MMP28: variants seen among roughly 807,000 people sequenced by gnomAD.
MMP28 encodes the protein matrix metallopeptidase 28, also known as matrix metalloproteinase-28.
In MMP28, 55 loss-of-function variants were observed where a neutral mutation model predicts 60.5. The ratio of observed to expected loss-of-function variants is 0.91; its 90% CI spans 0.73 to 1.14. MMP28 has a LOEUF of 1.14. Ranked by LOEUF, MMP28 falls within the 50% of genes most tolerant of loss-of-function variation. The probability of loss-of-function intolerance (pLI) is 0.00; values close to 1 mark genes in which losing one functional copy is unlikely to be tolerated. For missense variants in MMP28, 686 were observed against 738.3 expected (o/e 0.93, Z 0.82); for synonymous variants, 318 against 312.5 (o/e 1.02, Z -0.18).
intron 5 of MMP28, 84 bp downstream of exon 5, chr17:35,769,983 C>A: frequency 6.9e-7 from 1 of 1,444,266 alleles, no homozygotes; most frequent in East Asian, 2.5e-5. Flanking sequence ...GATGGGAAAT[C>A]CTATTTGCAG....
At chr17:35,782,751 T>C (rs1022154227) in intron 1 of MMP28, among the ~76,000 whole-genome samples, 6 of 152,244 alleles carry the variant, frequency 3.9e-5, no homozygotes, top group Admixed American at 2.6e-4. Flanking sequence ...CATCACGGTA[T>C]AGCCACCAGG....
intron 3 of MMP28, among the ~76,000 whole-genome samples, chr17:35,777,600 C>T (rs2086371633): frequency 6.6e-6 from 1 of 152,178 alleles, no homozygotes; most frequent in African/African-American, 2.4e-5. Context: ...AAGTAGTCAA[C>T]ACAAATTAAA....
downstream of MMP28, chr17:35,764,370 G>A: frequency 1.4e-6 from 2 of 1,451,418 alleles, no homozygotes; most frequent in South Asian, 1.4e-5. Flanking sequence ...GGCGGTGCCC[G>A]GGCCCCAGGG....
At chr17:35,783,288 C>T (rs924310705) in intron 1 of MMP28, among the ~76,000 whole-genome samples, 9 of 152,206 alleles carry the variant, frequency 5.9e-5, no homozygotes, top group Admixed American at 5.9e-4. Flanking sequence ...ACTCAATAAA[C>T]AATTGATCTG....
intron 3 of MMP28, chr17:35,778,679 A>G: frequency 1.7e-6 from 2 of 1,206,576 alleles, no homozygotes; most frequent in African/African-American, 1.5e-5. Flanking sequence ...TGTACAATGA[A>G]AATTCATCAA....
intron 2 of MMP28, among the ~76,000 whole-genome samples, chr17:35,756,666 C>T (rs2085742041): frequency 6.6e-6 from 1 of 151,758 alleles, no homozygotes; most frequent in Admixed American, 6.6e-5. Flanking sequence ...CAGGGTTTCA[C>T]CATGTTGGCC....
intron 3 of MMP28, among the ~76,000 whole-genome samples, chr17:35,774,423 G>A (rs552351005): frequency 9.8e-5 from 15 of 152,298 alleles, no homozygotes; most frequent in African/African-American, 2.9e-4. Context: ...CCAGGGTCCC[G>A]GAATGAGTAA....
At chr17:35,763,377 G>T (rs1203777773), downstream of MMP28, among the ~76,000 whole-genome samples, 1 of 150,694 alleles carries the variant, frequency 6.6e-6, no homozygotes. Context: ...CCCTAGCTCA[G>T]CTTCCTCTCA....
chr17:35,789,021 G>A (rs970581810), intron 1 of MMP28, among the ~76,000 whole-genome samples: 3 of 152,154 alleles, frequency 2.0e-5, no homozygotes, highest in African/African-American at 7.2e-5. Flanking sequence ...TTGTTCCTAA[G>A]TTGCAACAAT....
intron 2 of MMP28, among the ~76,000 whole-genome samples, chr17:35,758,722 TAATAA>T (rs2085768183): frequency 6.6e-6 from 1 of 151,944 alleles, no homozygotes; most frequent in Non-Finnish European, 1.5e-5. Context: ...TAAAATAAAA[TAATAA>T]AATAAATTCT....
At chr17:35,764,150 C>T (rs1436836249), downstream of MMP28, 6 of 1,549,100 alleles carry the variant, frequency 3.9e-6, no homozygotes, top group African/African-American at 4.1e-5. Context: ...GGGCGAGGAG[C>T]CGCCGCGGGT....
intron 1 of MMP28, among the ~76,000 whole-genome samples, chr17:35,790,959 G>A (rs572126218): frequency 2.2e-4 from 33 of 150,184 alleles, no homozygotes; most frequent in African/African-American, 8.1e-4. Context: ...CAAACTCCTC[G>A]GCTCAAGCAA....
intron 2 of MMP28, chr17:35,758,087 G>A (rs981151164): frequency 6.6e-6 from 1 of 152,154 alleles, no homozygotes; most frequent in Non-Finnish European, 1.5e-5. Flanking sequence ...TGAAAAAATT[G>A]TAGCTTTACC....
downstream of MMP28, among the ~76,000 whole-genome samples, chr17:35,762,790 C>G (rs1555601747): frequency 1.3e-5 from 2 of 152,094 alleles, no homozygotes; most frequent in South Asian, 2.1e-4. Context: ...GAAGGAAATC[C>G]CGTTCAGAAA....
rs118098940 is a variant in MMP28 at position 35,773,322 on chromosome 17, G to T, written c.462C>A (p.Ala154=). The T allele has an allele frequency of 1.1e-5, 17 of 1,612,962 alleles. No individual in the cohort carries two copies. The South Asian group carries it at 1.3e-4, about 13-fold the overall frequency. Residue 154 remains alanine, a synonymous_variant, in exon 4 of 8, where the codon GCC becomes GCA. Coordinates refer to ENST00000605424, the MANE Select transcript of MMP28 (RefSeq NM_024302.5). The part of the protein sequence containing the change: ...EHLPEPAVRG[A]VRAAFQLWSN... ...TCCACAACTGGAAGGCGGCGCGCAC[G>T]GCGCCCCGAACTGCCGGCTCCGGCA... is the stretch of plus-strand genomic sequence containing the variant.
intron 3 of MMP28, among the ~76,000 whole-genome samples, chr17:35,777,154 G>A (rs968388413): frequency 2.6e-5 from 4 of 152,214 alleles, no homozygotes; most frequent in Admixed American, 6.5e-5. Flanking sequence ...ATGAAGGAAC[G>A]GAGCCTCAGT....
chr17:35,773,349 A>G lies in MMP28; in HGVS notation c.435T>C (p.His145=). ...CGCCCCGAACTGCCGGCTCCGGCAG[A>G]TGCTCAGGCCAGTTCACCAGGCGGT... ...LSYRLVNWPE[H]LPEPAVRGAV... is the part of the protein sequence containing the mutation. Residue 145 remains histidine (H), a synonymous_variant, in exon 4 of 8, where the codon CAT becomes CAC. Transcript: ENST00000605424. 1 of 1,612,250 alleles carries G rather than the reference A, an allele frequency of 6.2e-7. No homozygotes were observed. The highest frequency in any genetic ancestry group is 8.5e-7 in the Non-Finnish European group (1 of 1,179,234).
chr17:35,772,382 C>T (rs954418879), intron 4 of MMP28, among the ~76,000 whole-genome samples: 1 of 152,186 alleles, frequency 6.6e-6, no homozygotes, highest in Non-Finnish European at 1.5e-5. Flanking sequence ...CATGTGTGCA[C>T]TACATGTGGA....
In MMP28 at chr17:35,760,559, G is replaced by A. The variant is rs587624446; in HGVS notation, c.266-4140C>T. 1.0e-3 allele frequency among the ~76,000 whole-genome samples: 158 copies of A among 152,332 alleles called. 1 individual carries two copies. The highest frequency in any genetic ancestry group is 1.7e-3 in the Non-Finnish European group (114 of 68,026). On this transcript the variant is annotated intron_variant, in intron 2 of 2. Coordinates refer to the MMP28 transcript ENST00000615317. ...CAGTGCTTCCCATAGGCCAGGTAAA[G>A]CGTGGTACTGTATTACTATCTCTGA...
Sources: allele counts gnomAD v4.1 joint callset (sites outside exome capture counted in the v4.1 genomes callset), GRCh38; gene constraint gnomAD v4.1.1; transcripts MANE v1.5; gene names NCBI Gene and HGNC (gene_info 2026-07-23, HGNC 2026-07-21).